Variants in NUAK1 observed in about 807,000 individuals in gnomAD.
NUAK1 encodes the protein NUAK family kinase 1.
A neutral mutation model predicts 56.9 loss-of-function variants in NUAK1; 26 were observed. That is an observed-to-expected ratio of 0.46 (90% confidence interval 0.33 to 0.63). The LOEUF is 0.63. Among genes scored for constraint, NUAK1 ranks in the 30% least tolerant of loss-of-function variants. NUAK1 has a pLI of 0.02. For missense variants in NUAK1, 727 were observed against 876.1 expected (o/e 0.83, Z 2.15); for synonymous variants, 337 against 336.0 (o/e 1.00, Z -0.03).
chr12:106,103,924 G>C (rs2032773842), intron 2 of NUAK1, among the ~76,000 whole-genome samples: 1 of 152,106 alleles, frequency 6.6e-6, no homozygotes, highest in African/African-American at 2.4e-5. Context: ...TAAGTTTCCT[G>C]AGGCCTCCCC....
chr12:106,095,797 C>A (rs1479254995), intron 2 of NUAK1, among the ~76,000 whole-genome samples: 1 of 152,070 alleles, frequency 6.6e-6, no homozygotes, highest in East Asian at 1.9e-4. Context: ...TTTGAGTGAC[C>A]CCCAGTAAAA....
At chr12:106,113,318 T>C (rs971095293) in intron 1 of NUAK1, among the ~76,000 whole-genome samples, 3 of 152,040 alleles carry the variant, frequency 2.0e-5, no homozygotes, top group African/African-American at 7.2e-5. Context: ...CACCGGAAAG[T>C]TCGTGCTGAG....
chr12:106,087,475 G>A (rs1157297780), intron 2 of NUAK1, among the ~76,000 whole-genome samples: 1 of 152,172 alleles, frequency 6.6e-6, no homozygotes, highest in Non-Finnish European at 1.5e-5. Context: ...GTAAAAGGGG[G>A]TTGTCCTGTT....
chr12:106,089,578 G>A (rs2032614456), intron 2 of NUAK1, among the ~76,000 whole-genome samples: 1 of 152,168 alleles, frequency 6.6e-6, no homozygotes, highest in South Asian at 2.1e-4. Context: ...GATCACTTGA[G>A]GCCAGAAGTC....
intron 2 of NUAK1, among the ~76,000 whole-genome samples, chr12:106,104,709 T>C (rs942004992): frequency 2.0e-5 from 3 of 152,054 alleles, no homozygotes; most frequent in African/African-American, 7.3e-5. Context: ...AAAAATCCTA[T>C]CACCAAGGGC....
At chr12:106,100,156 C>T (rs1289012085) in intron 2 of NUAK1, among the ~76,000 whole-genome samples, 1 of 151,102 alleles carries the variant, frequency 6.6e-6, no homozygotes, top group Non-Finnish European at 1.5e-5. Context: ...AGGTGTGAGC[C>T]ACCACACCCA....
intron 1 of NUAK1, among the ~76,000 whole-genome samples, chr12:106,128,996 A>T (rs2033051553): frequency 6.6e-6 from 1 of 152,378 alleles, no homozygotes; most frequent in African/African-American, 2.4e-5. Flanking sequence ...TGCATTTTGC[A>T]TCTAAACCTT....
chr12:106,095,057 T>C (rs2136466558), intron 2 of NUAK1, among the ~76,000 whole-genome samples: 1 of 152,240 alleles, frequency 6.6e-6, no homozygotes, highest in South Asian at 2.1e-4. Context: ...CACAGGCTCA[T>C]GATACACACT....
chr12:106,132,842 A>G (rs2033092725), intron 1 of NUAK1, among the ~76,000 whole-genome samples: 1 of 152,122 alleles, frequency 6.6e-6, no homozygotes, highest in Non-Finnish European at 1.5e-5. Context: ...TCAACACCCC[A>G]CTGTGATCAG....
intron 2 of NUAK1, among the ~76,000 whole-genome samples, chr12:106,092,763 G>T (rs2032649311): frequency 6.6e-6 from 1 of 152,046 alleles, no homozygotes. Flanking sequence ...ACGCATTTTT[G>T]TTGGGTAGAT....
chr12:106,105,271 C>T (rs559470189), intron 2 of NUAK1, among the ~76,000 whole-genome samples: 1 of 152,066 alleles, frequency 6.6e-6, no homozygotes, highest in Non-Finnish European at 1.5e-5. Flanking sequence ...ATTTTTCAGC[C>T]ACATATTTTT....
At chr12:106,082,148 A>G (rs761293250) in intron 4 of NUAK1, among the ~76,000 whole-genome samples, 2 of 152,230 alleles carry the variant, frequency 1.3e-5, no homozygotes, top group Non-Finnish European at 2.9e-5. Flanking sequence ...AGGACTGGGC[A>G]CAGGGCATTG....
At chr12:106,091,244 T>A (rs2032631964) in intron 2 of NUAK1, among the ~76,000 whole-genome samples, 1 of 152,178 alleles carries the variant, frequency 6.6e-6, no homozygotes, top group African/African-American at 2.4e-5. Context: ...GGCCAGACAG[T>A]TTTACCCAGA....
chr12:106,098,306 G>A (rs894011192), intron 2 of NUAK1, among the ~76,000 whole-genome samples: 3 of 152,186 alleles, frequency 2.0e-5, no homozygotes, highest in Non-Finnish European at 4.4e-5. Flanking sequence ...GAATATTTGA[G>A]AATACAGACT....
At chr12:106,113,592 A>C (rs2032886922) in intron 1 of NUAK1, among the ~76,000 whole-genome samples, 1 of 151,390 alleles carries the variant, frequency 6.6e-6, no homozygotes, top group South Asian at 2.1e-4. Flanking sequence ...CTGAGGTTTG[A>C]GAGCAGTCAC....
chr12:106,079,761 C>A (rs1752089601), intron 4 of NUAK1, among the ~76,000 whole-genome samples: 1 of 152,222 alleles, frequency 6.6e-6, no homozygotes, highest in South Asian at 2.1e-4. Context: ...GTGTCTCCAA[C>A]TGGAATTTTA....
intron 1 of NUAK1, among the ~76,000 whole-genome samples, chr12:106,123,953 G>A (rs1440101846): frequency 2.0e-5 from 3 of 152,142 alleles, no homozygotes; most frequent in Admixed American, 1.3e-4. Flanking sequence ...AAAATTGGTG[G>A]CTAATCCAAA....
intron 2 of NUAK1, 25 bp from the exon 3 acceptor site, chr12:106,086,910 C>G (rs754969305): frequency 6.2e-7 from 1 of 1,600,158 alleles, no homozygotes; most frequent in East Asian, 2.2e-5. Context: ...CAGCAATACA[C>G]AAACACCCCG....
intron 4 of NUAK1, among the ~76,000 whole-genome samples, chr12:106,083,580 A>AT (rs1215003462): frequency 6.6e-6 from 1 of 152,206 alleles, no homozygotes; most frequent in African/African-American, 2.4e-5. Context: ...TATGGTGATG[A>AT]TTTTAGACTA....
Sources: allele counts gnomAD v4.1 joint callset (sites outside exome capture counted in the v4.1 genomes callset), GRCh38; gene constraint gnomAD v4.1.1; transcripts MANE v1.5; gene names NCBI Gene and HGNC (gene_info 2026-07-23, HGNC 2026-07-21).